LRRC58: variants seen among roughly 807,000 people sequenced by gnomAD.
The protein encoded by LRRC58 is leucine-rich repeat-containing protein 58.
A neutral mutation model predicts 30.6 loss-of-function variants in LRRC58; 18 were observed. The ratio of observed to expected loss-of-function variants is 0.59; its 90% CI spans 0.41 to 0.87. LRRC58 has a LOEUF of 0.87. Among genes scored for constraint, LRRC58 ranks in the 40% least tolerant of loss-of-function variants. The pLI is 0.00. For missense variants in LRRC58, 420 were observed against 468.4 expected, an observed-to-expected ratio of 0.90 and a Z score of 0.95; for synonymous variants, 221 against 206.0, an observed-to-expected ratio of 1.07 and a Z score of -0.62.
At chr3:120,348,581 TACA>T (rs757928561) in intron 1 of LRRC58, among the ~76,000 whole-genome samples, 160 bp downstream of exon 1, 4 of 152,208 alleles carry the variant, frequency 2.6e-5, no homozygotes, top group African/African-American at 4.8e-5. Flanking sequence ...ACTAGGTATT[TACA>T]ACAACTTGCT....
intron 1 of LRRC58, among the ~76,000 whole-genome samples, chr3:120,348,258 T>C (rs1197207197): frequency 1.3e-5 from 2 of 152,062 alleles, no homozygotes; most frequent in Non-Finnish European, 2.9e-5. Flanking sequence ...CGTGGGAAAA[T>C]GCATAGGTCA....
Position 120,324,674 on chromosome 3 carries a change from A to G in LRRC58, c.*6526T>C, listed in dbSNP as rs936825748. On this transcript the variant is annotated 3_prime_UTR_variant, in exon 4 of 4. Coordinates refer to ENST00000295628, the MANE Select transcript of LRRC58 (RefSeq NM_001099678.2). ...CAAAATTCACAGAGGATTGGTTAATATAAGATCTTTTGTACGTCCTGGGGG... is the reference window on the plus strand; with the variant it reads ...CAAAATTCACAGAGGATTGGTTAATGTAAGATCTTTTGTACGTCCTGGGGG... The G allele has an allele frequency of 6.6e-6, 1 of 152,220 alleles. No homozygotes were observed. The highest frequency in any genetic ancestry group is 1.5e-5 in the Non-Finnish European group (1 of 68,030). The allele number at this position is 152,220 out of a possible 1,614,324, so 9.4% of individuals were successfully genotyped here.
At chr3:120,347,557 A>G (rs1408348225) in intron 1 of LRRC58, among the ~76,000 whole-genome samples, 2 of 148,542 alleles carry the variant, frequency 1.3e-5, no homozygotes, top group Non-Finnish European at 3.0e-5. Flanking sequence ...GCGCCCGGCT[A>G]ATTTTTTGTA....
chr3:120,337,226 A>G (rs1350705798), intron 1 of LRRC58, among the ~76,000 whole-genome samples: 1 of 152,222 alleles, frequency 6.6e-6, no homozygotes. Flanking sequence ...ACAAATCCAT[A>G]ATTAGCATAT....
chr3:120,347,379 C>CTTTTTTTTTTTTT lies in LRRC58; in HGVS notation c.500+1352_500+1364dup, dbSNP rs796116731. ...AGTTCTTTTTTCCCAGGCCAATATT[C>CTTTTTTTTTTTTT]TTTTTTTTTTTTTTTTTTTTTTTGA... On this transcript the variant is annotated intron_variant, in intron 1 of 3. Transcript: ENST00000295628. Among the ~76,000 whole-genome samples, 98 of 54,848 alleles carry CTTTTTTTTTTTTT rather than the reference C, an allele frequency of 1.8e-3. 15 individuals are homozygous for CTTTTTTTTTTTTT. The highest frequency in any genetic ancestry group is 4.5e-3 in the African/African-American group (68 of 15,166). 36.0% of individuals were successfully genotyped at this position (54,848 alleles called of 152,430 possible). A position where few individuals can be genotyped will look rare whatever the true frequency, so the allele number is the denominator to read the frequency against.
chr3:120,329,958 CAATAT>C lies in LRRC58; in HGVS notation c.*1237_*1241del, dbSNP rs1420601889. The C allele has an allele frequency of 9.2e-5, 14 of 151,926 alleles. No homozygotes were observed. The highest frequency in any genetic ancestry group is 2.9e-4 in the African/African-American group (12 of 41,530). 9.4% of individuals were successfully genotyped at this position (151,926 alleles called of 1,614,324 possible). A position where few individuals can be genotyped will look rare whatever the true frequency, so the allele number is the denominator to read the frequency against. The stretch of plus-strand genomic sequence containing the variant: ...ATTTTCCTGCTATACATTAAGGATA[CAATAT>C]ATTTAATAATTTTTTTCTATTTTAT... On this transcript the variant is annotated 3_prime_UTR_variant, in exon 4 of 4. Transcript: ENST00000295628.
At position 120,334,910 on chromosome 3, in the gene LRRC58, G is replaced by C; in HGVS notation, c.859C>G (p.Leu287Val). The C allele has an allele frequency of 1.1e-5, 17 of 1,613,696 alleles. No homozygotes were observed. The highest frequency in any genetic ancestry group is 1.4e-5 in the Non-Finnish European group (17 of 1,179,740). Residue 287 changes from leucine to valine, a missense_variant, in exon 3 of 4, where the codon CTT (leucine) becomes GTT (valine). By Grantham distance (32) the Leu-to-Val change is conservative (BLOSUM62 1). Coordinates refer to ENST00000295628, the MANE Select transcript of LRRC58 (RefSeq NM_001099678.2). ...TTGCTGGCTGAACCCAAGTATCTAA[G>C]AAGATTTCCAGGAAGATCATAGGGA... ...YTPYDLPGNL[L>V]RYLGSASNCP...
At position 120,330,822 on chromosome 3, in the gene LRRC58, T is replaced by C. The variant is rs1935745227; in HGVS notation, c.*378A>G. On this transcript the variant is annotated 3_prime_UTR_variant, in exon 4 of 4. Transcript: ENST00000295628. ...TTCTACCTAAACCCAAGGGCAACTC[T>C]GGCAATTATAGCTTTGATAATTTCT... The C allele has an allele frequency of 3.5e-6, 1 of 287,694 alleles. No homozygotes were observed. The highest frequency in any genetic ancestry group is 6.7e-6 in the Non-Finnish European group (1 of 148,598). 17.8% of individuals were successfully genotyped at this position (287,694 alleles called of 1,614,324 possible).
At chr3:120,346,089 C>A (rs78941507) in intron 1 of LRRC58, among the ~76,000 whole-genome samples, 1 of 152,090 alleles carries the variant, frequency 6.6e-6, no homozygotes, top group South Asian at 2.1e-4. Flanking sequence ...GAAACTTTGT[C>A]TCTACTAAAA....
intron 1 of LRRC58, among the ~76,000 whole-genome samples, chr3:120,341,029 TTTCTGTTATTTTCTTTCTCTTTC>T: frequency 6.6e-6 from 1 of 152,258 alleles, no homozygotes; most frequent in African/African-American, 2.4e-5. Flanking sequence ...TAACTTTAAT[TTTCTGTTATTTTCTTTCTCTTTC>T]AAAGATTATC....
intron 1 of LRRC58, among the ~76,000 whole-genome samples, chr3:120,346,316 C>A (rs1243728622): frequency 6.6e-6 from 1 of 151,992 alleles, no homozygotes; most frequent in African/African-American, 2.4e-5. Flanking sequence ...GACCCTCCAA[C>A]CCCCCAACAA....
rs1421729404 is a variant in LRRC58 at position 120,324,990 on chromosome 3, G to A, written c.*6210C>T. On this transcript the variant is annotated 3_prime_UTR_variant, in exon 4 of 4. Transcript: ENST00000295628. Reference sequence around the variant, plus strand: ...TAAAAGTATGTTTTCAGTACCCTTCGTTAATACTTTGACATCCCAAACTTT... The same window carrying A: ...TAAAAGTATGTTTTCAGTACCCTTCATTAATACTTTGACATCCCAAACTTT... 2 of 152,072 alleles carry A rather than the reference G, an allele frequency of 1.3e-5. No homozygotes were observed. The highest frequency in any genetic ancestry group is 1.5e-5 in the Non-Finnish European group (1 of 68,006). The allele number at this position is 152,072 out of a possible 1,614,324, so 9.4% of individuals were successfully genotyped here. A position where few individuals can be genotyped will look rare whatever the true frequency, so the allele number is the denominator to read the frequency against.
intron 1 of LRRC58, among the ~76,000 whole-genome samples, chr3:120,338,771 C>T (rs1280649298): frequency 6.6e-6 from 1 of 152,182 alleles, no homozygotes; most frequent in Non-Finnish European, 1.5e-5. Context: ...ACAGAATGTC[C>T]TTTGGGCCTC....
intron 3 of LRRC58, among the ~76,000 whole-genome samples, chr3:120,333,884 T>A: frequency 6.6e-6 from 1 of 152,174 alleles, no homozygotes; most frequent in Admixed American, 6.5e-5. Context: ...TCTGAAAAAT[T>A]TCCTATCCTC....
rs1559991111 is a variant in LRRC58, at chr3:120,325,327, T to TA, written c.*5872dup. On this transcript the variant is annotated 3_prime_UTR_variant, in exon 4 of 4. Transcript: ENST00000295628. Reference sequence around the variant, plus strand: ...ATCTTCCAACAGCTGGAACTTACAATAAAAAAGTCTTATCCAATTTATTCA... The same window carrying TA: ...ATCTTCCAACAGCTGGAACTTACAATAAAAAAAGTCTTATCCAATTTATTCA... The TA allele has an allele frequency of 2.6e-5, 4 of 152,206 alleles. No individual in the cohort carries two copies. Among genetic ancestry groups the TA allele is most frequent in the African/African-American group, 4.8e-5 (2 of 41,454 alleles). The allele number at this position is 152,206 out of a possible 1,614,324, so 9.4% of individuals were successfully genotyped here. A position where few individuals can be genotyped will look rare whatever the true frequency, so the allele number is the denominator to read the frequency against.
chr3:120,331,531 A>T (rs1935757803), intron 3 of LRRC58, 123 bp from the exon 4 acceptor site: 4 of 749,332 alleles, frequency 5.3e-6, no homozygotes, highest in Non-Finnish European at 9.1e-6. Flanking sequence ...TCTTAAGCAG[A>T]AGTAGTACTT....
intron 1 of LRRC58, among the ~76,000 whole-genome samples, chr3:120,345,008 T>C (rs1430537141): frequency 3.9e-5 from 6 of 152,148 alleles, no homozygotes; most frequent in African/African-American, 4.8e-5. Context: ...ATGGTTCACA[T>C]TGATAACCTA....
chr3:120,340,312 C>T (rs1277971682), intron 1 of LRRC58, among the ~76,000 whole-genome samples: 1 of 152,166 alleles, frequency 6.6e-6, no homozygotes, highest in Admixed American at 6.5e-5. Flanking sequence ...CTTCTGTCCA[C>T]CTTTTAGTCT....
At chr3:120,338,106 G>A (rs1373754539) in intron 1 of LRRC58, among the ~76,000 whole-genome samples, 2 of 152,188 alleles carry the variant, frequency 1.3e-5, no homozygotes, top group Non-Finnish European at 2.9e-5. Context: ...GCCTCCCAAA[G>A]TGCTGGGATT....
Sources: allele counts gnomAD v4.1 joint callset (sites outside exome capture counted in the v4.1 genomes callset), GRCh38; gene constraint gnomAD v4.1.1; transcripts MANE v1.5; gene names NCBI Gene and HGNC (gene_info 2026-07-23, HGNC 2026-07-21).